Variants in HMOX2 observed in about 807,000 individuals in gnomAD.
HMOX2 encodes heme oxygenase (decycling) 2.
A neutral mutation model predicts 33.7 loss-of-function variants in HMOX2; 30 were observed. The ratio of observed to expected loss-of-function variants is 0.89; its 90% CI spans 0.67 to 1.21. The LOEUF (loss-of-function observed/expected upper bound fraction) is 1.21. HMOX2 is among the 50% of genes most tolerant of loss of function. HMOX2 has a pLI of 0.00. For missense variants in HMOX2, 403 were observed against 399.1 expected (o/e 1.01, Z -0.08); for synonymous variants, 155 against 155.0 (o/e 1.00, Z 0.00).
In HMOX2 at chr16:4,509,526, G is replaced by C; in HGVS notation, c.811G>C (p.Glu271Gln). 6.2e-7 allele frequency: 1 copy of C among 1,614,164 alleles called. No homozygotes were observed. Among genetic ancestry groups the C allele is most frequent in the Non-Finnish European group, 8.5e-7 (1 of 1,180,026 alleles). ...DMRKCPFYAAEQDKGALEGSS... is the reference protein window; with the variant it reads ...DMRKCPFYAAQQDKGALEGSS... ...GCGTAAATGCCCTTTCTACGCTGCT[G>C]AACAAGACAAAGGTAGGTCTGTGTG... The change falls in exon 5 of 6, where the codon GAA becomes CAA. Residue 271 changes from glutamate (E) to glutamine (Q), a missense_variant. Coordinates refer to ENST00000570646, the MANE Select transcript of HMOX2 (RefSeq NM_002134.4).
intron 1 of HMOX2, among the ~76,000 whole-genome samples, chr16:4,485,701 TTTTTTG>T (rs892997710): frequency 9.9e-5 from 15 of 151,988 alleles, no homozygotes; most frequent in Non-Finnish European, 2.1e-4. Flanking sequence ...AGGGATTGAT[TTTTTTG>T]TTTTTGTTTT....
chr16:4,500,519 G>A (rs1040743648), intron 1 of HMOX2, among the ~76,000 whole-genome samples: 4 of 152,232 alleles, frequency 2.6e-5, no homozygotes, highest in African/African-American at 9.6e-5. Context: ...GCTTACTCTC[G>A]GTGCTGGCTG....
chr16:4,479,858 T>A (rs1445476800), intron 1 of HMOX2, among the ~76,000 whole-genome samples: 1 of 146,700 alleles, frequency 6.8e-6, no homozygotes, highest in Non-Finnish European at 1.5e-5. Flanking sequence ...CCAGCCTCAG[T>A]CTCCTGAGTA....
chr16:4,491,731 T>C (rs1596458347), intron 1 of HMOX2, among the ~76,000 whole-genome samples: 1 of 151,976 alleles, frequency 6.6e-6, no homozygotes, highest in East Asian at 1.9e-4. Context: ...TTTTTTGAGA[T>C]GGAATCTCAC....
At chr16:4,491,574 C>T (rs2058306810) in intron 1 of HMOX2, among the ~76,000 whole-genome samples, 1 of 151,994 alleles carries the variant, frequency 6.6e-6, no homozygotes, top group East Asian at 1.9e-4. Flanking sequence ...ATCACTTGAG[C>T]TCAGGAGGTC....
chr16:4,507,182 T>C (rs904760854), intron 3 of HMOX2, among the ~76,000 whole-genome samples, 170 bp downstream of exon 3: 1 of 152,154 alleles, frequency 6.6e-6, no homozygotes, highest in Non-Finnish European at 1.5e-5. Flanking sequence ...CAGTGGCTCA[T>C]GTCTGTAATC....
chr16:4,502,651 C>A (rs930790425), intron 1 of HMOX2: 2 of 152,178 alleles, frequency 1.3e-5, no homozygotes, highest in Admixed American at 6.5e-5. Context: ...ACTGAGCAGC[C>A]AGAGACAAAT....
At chr16:4,504,091 A>G (rs921727618) in intron 1 of HMOX2, among the ~76,000 whole-genome samples, 1 of 152,210 alleles carries the variant, frequency 6.6e-6, no homozygotes, top group Non-Finnish European at 1.5e-5. Context: ...CTGGCTGACA[A>G]AGGCTCAGCA....
chr16:4,488,923 T>C (rs1417595869), intron 1 of HMOX2, among the ~76,000 whole-genome samples: 1 of 151,700 alleles, frequency 6.6e-6, no homozygotes, highest in African/African-American at 2.4e-5. Flanking sequence ...CATTGTGGGC[T>C]CAAGCAATCC....
intron 5 of HMOX2, 41 bp from the exon 6 acceptor site, chr16:4,509,588 A>T (rs766861181): frequency 6.2e-7 from 1 of 1,613,204 alleles, no homozygotes; most frequent in Non-Finnish European, 8.5e-7. Flanking sequence ...GTAGCAGGAG[A>T]CTCCACTGAT....
intron 1 of HMOX2, among the ~76,000 whole-genome samples, chr16:4,489,803 G>T (rs537028836): frequency 6.6e-6 from 1 of 152,170 alleles, no homozygotes; most frequent in African/African-American, 2.4e-5. Context: ...TAGCAACAGA[G>T]ATCTCCATAT....
intron 1 of HMOX2, among the ~76,000 whole-genome samples, chr16:4,494,239 C>T (rs965656069): frequency 1.3e-5 from 2 of 151,646 alleles, no homozygotes; most frequent in African/African-American, 4.8e-5. Context: ...TGGCATGAAC[C>T]CGGGAGGTGG....
intron 2 of HMOX2, among the ~76,000 whole-genome samples, chr16:4,506,304 C>G (rs1374418271): frequency 6.6e-6 from 1 of 152,150 alleles, no homozygotes; most frequent in Admixed American, 6.5e-5. Flanking sequence ...ACCTTTACAA[C>G]TGTGTAATTT....
rs1480095257 is a variant in HMOX2 at position 4,509,453 on chromosome 16, A to G, written c.738A>G (p.Arg246=). The stretch of plus-strand genomic sequence containing the variant: ...ACCAGGCCGGCTCCACACTGGCCAG[A>G]GAGACCTTGGAGGATGGGTTCCCTG... The part of the protein sequence containing the change: ...ELDQAGSTLA[R]ETLEDGFPVH... The change falls in exon 5 of 6, where the codon AGA becomes AGG. Residue 246 remains arginine (R), a synonymous_variant. Transcript: ENST00000570646. 6.2e-7 allele frequency: 1 copy of G among 1,614,018 alleles called. No individual in the cohort carries two copies. Among genetic ancestry groups the G allele is most frequent in the Admixed American group, 1.7e-5 (1 of 59,996 alleles).
intron 1 of HMOX2, among the ~76,000 whole-genome samples, chr16:4,497,420 G>A (rs2058449141): frequency 1.3e-5 from 2 of 152,136 alleles, no homozygotes; most frequent in African/African-American, 2.4e-5. Context: ...CCCGCTCCTG[G>A]TGCTGCTTAT....
chr16:4,495,121 C>T (rs1040960841), intron 1 of HMOX2, among the ~76,000 whole-genome samples: 1 of 152,170 alleles, frequency 6.6e-6, no homozygotes, highest in African/African-American at 2.4e-5. Flanking sequence ...ACACTCTGCC[C>T]GACTAGTCCT....
At chr16:4,498,298 C>G (rs1470130546) in intron 1 of HMOX2, among the ~76,000 whole-genome samples, 1 of 151,790 alleles carries the variant, frequency 6.6e-6, no homozygotes, top group Non-Finnish European at 1.5e-5. Context: ...AATGCCTGAC[C>G]TCAGGTGATC....
chr16:4,490,312 T>C (rs2058274586), intron 1 of HMOX2, among the ~76,000 whole-genome samples: 1 of 152,112 alleles, frequency 6.6e-6, no homozygotes, highest in South Asian at 2.1e-4. Context: ...CCCACAGCCT[T>C]TCCTGCTTTG....
intron 1 of HMOX2, 111 bp from the exon 2 acceptor site, chr16:4,505,373 G>A (rs752545866): frequency 1.4e-5 from 8 of 573,096 alleles, no homozygotes; most frequent in African/African-American, 3.7e-5. Flanking sequence ...CAATCCTGGG[G>A]TGTGTGGGTG....
Sources: allele counts gnomAD v4.1 joint callset (sites outside exome capture counted in the v4.1 genomes callset), GRCh38; gene constraint gnomAD v4.1.1; transcripts MANE v1.5; gene names NCBI Gene and HGNC (gene_info 2026-07-23, HGNC 2026-07-21).